Variants in DCAF6 observed in about 807,000 individuals in gnomAD.
DCAF6 encodes DDB1 and CUL4 associated factor 6.
Under a neutral mutation model 125.1 loss-of-function variants are expected in DCAF6, and 54 were observed. That is an observed-to-expected ratio of 0.43 (90% confidence interval 0.35 to 0.54). The LOEUF is 0.54. Among genes scored for constraint, DCAF6 ranks in the 20% least tolerant of loss-of-function variants. The pLI, the probability that DCAF6 is intolerant of heterozygous loss-of-function variation, is 0.01. For synonymous variants in DCAF6, 371 were observed against 390.4 expected (o/e 0.95, Z 0.58); for missense variants, 934 against 1,161.7 (o/e 0.80, Z 2.85).
At chr1:168,009,407 C>CTTTCTTTCTT (rs1423331059) in intron 10 of DCAF6, among the ~76,000 whole-genome samples, 4 of 136,724 alleles carry the variant, frequency 2.9e-5, no homozygotes, top group Non-Finnish European at 4.8e-5. Context: ...TTCTTTCTCT[C>CTTTCTTTCTT]TCTCTCTTTT....
intron 12 of DCAF6, among the ~76,000 whole-genome samples, chr1:168,024,256 G>A (rs1234763251): frequency 6.6e-6 from 1 of 150,652 alleles, no homozygotes; most frequent in Non-Finnish European, 1.5e-5. Flanking sequence ...AAAAAGGCAG[G>A]TGATTGCCTT....
the DCAF6 span, among the ~76,000 whole-genome samples, chr1:167,925,442 C>CATATATATATATATATATATAT: frequency 1.1e-4 from 9 of 82,468 alleles, no homozygotes; most frequent in South Asian, 4.0e-4. Flanking sequence ...TACATATACA[C>CATATATATATATATATATATAT]ATATATATAT....
intron 12 of DCAF6, among the ~76,000 whole-genome samples, chr1:168,025,680 C>G (rs1686245807): frequency 6.6e-6 from 1 of 152,156 alleles, no homozygotes; most frequent in South Asian, 2.1e-4. Context: ...TGCCCACCAC[C>G]ATTTGTCTCT....
chr1:167,981,097 G>A (rs1224541506), intron 4 of DCAF6, among the ~76,000 whole-genome samples: 1 of 151,748 alleles, frequency 6.6e-6, no homozygotes, highest in African/African-American at 2.4e-5. Context: ...AGTAGAGATG[G>A]GGTTTCACCG....
Position 167,936,974 on chromosome 1 carries a change from G to A in DCAF6, c.63G>A (p.Leu21=). 2 of 1,611,204 alleles carry A rather than the reference G, an allele frequency of 1.2e-6. No individual in the cohort carries two copies. Among genetic ancestry groups the A allele is most frequent in the Non-Finnish European group, 1.7e-6 (2 of 1,179,256 alleles). Residue 21 remains leucine (L), a synonymous_variant, in exon 1 of 22, where the codon CTG becomes CTA. Transcript: ENST00000367840. Reference sequence around the variant, plus strand: ...ACGTGAGGAAAAGGTCCCTCGGGCTGGAGGACCCGTCCCGGCTGCGGAGTC... The same window carrying A: ...ACGTGAGGAAAAGGTCCCTCGGGCTAGAGGACCCGTCCCGGCTGCGGAGTC... ...LWDVRKRSLG[L]EDPSRLRSRY...
chr1:167,924,014 A>G, the DCAF6 span, among the ~76,000 whole-genome samples: 17,228 of 152,232 alleles, frequency 0.11, 1,156 homozygotes, highest in African/African-American at 0.18. Flanking sequence ...GGGGAAGAGT[A>G]AAAGCACTGG....
chr1:167,976,705 A>G (rs1226664960), intron 4 of DCAF6, among the ~76,000 whole-genome samples: 1 of 151,976 alleles, frequency 6.6e-6, no homozygotes, highest in South Asian at 2.1e-4. Flanking sequence ...ATGTGATTAT[A>G]TTGTTCAGGA....
chr1:167,880,774 A>T, the DCAF6 span, among the ~76,000 whole-genome samples: 1 of 152,152 alleles, frequency 6.6e-6, no homozygotes, highest in Non-Finnish European at 1.5e-5. Context: ...AAACACTTCT[A>T]CTGCATCATC....
chr1:167,865,064 G>A, the DCAF6 span, among the ~76,000 whole-genome samples: 9 of 152,114 alleles, frequency 5.9e-5, no homozygotes, highest in South Asian at 4.1e-4. Context: ...CATAGAAAAC[G>A]ATGTTATAAA....
At chr1:167,891,916 T>C in the DCAF6 span, among the ~76,000 whole-genome samples, 4 of 152,104 alleles carry the variant, frequency 2.6e-5, no homozygotes, top group African/African-American at 9.7e-5. Context: ...GTAATTTTAT[T>C]CTTTTTATAA....
chr1:167,995,119 C>T (rs1284530543), intron 7 of DCAF6, among the ~76,000 whole-genome samples: 2 of 152,076 alleles, frequency 1.3e-5, no homozygotes, highest in Non-Finnish European at 2.9e-5. Context: ...CATTTTGTTA[C>T]TGCTATGCAA....
At chr1:168,021,267 C>T (rs142408415) in intron 11 of DCAF6, among the ~76,000 whole-genome samples, 64 of 152,106 alleles carry the variant, frequency 4.2e-4, no homozygotes, top group African/African-American at 1.3e-3. Flanking sequence ...AGTTTTCTTA[C>T]GGCTCTTAAA....
intron 12 of DCAF6, among the ~76,000 whole-genome samples, chr1:168,026,653 C>A (rs745712683): frequency 1.3e-5 from 2 of 151,412 alleles, no homozygotes; most frequent in Non-Finnish European, 2.9e-5. Flanking sequence ...AACCATCAGC[C>A]AAGATAGAGA....
At chr1:168,060,451 G>T (rs1435702229) in intron 17 of DCAF6, among the ~76,000 whole-genome samples, 3 of 152,170 alleles carry the variant, frequency 2.0e-5, no homozygotes, top group African/African-American at 7.2e-5. Flanking sequence ...CTCCCAAGTA[G>T]CTGGGATTAC....
rs960945858 is a variant in DCAF6 at position 168,075,551 on chromosome 1, C to T, written c.*116C>T. 1.1e-5 allele frequency: 10 copies of T among 931,882 alleles called. No individual in the cohort carries two copies. Among genetic ancestry groups the T allele is most frequent in the Non-Finnish European group, 1.4e-5 (9 of 647,320 alleles). The allele number at this position is 931,882 out of a possible 1,614,324, so 57.7% of individuals were successfully genotyped here. A position where few individuals can be genotyped will look rare whatever the true frequency, so the allele number is the denominator to read the frequency against. On this transcript the variant is annotated 3_prime_UTR_variant, in exon 22 of 22. Transcript: ENST00000367840. Reference sequence around the variant, plus strand: ...AAGGTTATGGTTTTTGGAGTTTTTCCCTTTTTTTGGGATAACCTAACATTG... The same window carrying T: ...AAGGTTATGGTTTTTGGAGTTTTTCTCTTTTTTTGGGATAACCTAACATTG...
the DCAF6 span, among the ~76,000 whole-genome samples, chr1:167,891,226 C>T: frequency 6.6e-6 from 1 of 151,982 alleles, no homozygotes. Flanking sequence ...TCCCAAAGTG[C>T]TGGGATTACA....
the DCAF6 span, chr1:167,896,636 C>T: frequency 1.9e-6 from 3 of 1,613,774 alleles, no homozygotes; most frequent in Non-Finnish European, 2.5e-6. Context: ...GAAGGTCGTA[C>T]ACTTTGTGAA....
At chr1:168,063,285 T>C (rs564625447) in intron 17 of DCAF6, among the ~76,000 whole-genome samples, 1 of 152,304 alleles carries the variant, frequency 6.6e-6, no homozygotes, top group South Asian at 2.1e-4. Context: ...TGGATAAAAT[T>C]TGTTATATTT....
chr1:168,038,351 G>A lies in DCAF6; in HGVS notation c.1610-20G>A. 1.9e-6 allele frequency: 3 copies of A among 1,569,738 alleles called. No individual in the cohort carries two copies. The highest frequency in any genetic ancestry group is 2.6e-6 in the Non-Finnish European group (3 of 1,148,748). Reference sequence around the variant, plus strand: ...ACTGGTTTCAGAGACTTTTTCAAATGTTTTAAACACAATTTTCAGATAACA... The same window carrying A: ...ACTGGTTTCAGAGACTTTTTCAAATATTTTAAACACAATTTTCAGATAACA... On this transcript the variant is annotated intron_variant, in intron 12 of 21. Transcript: ENST00000367840.
Sources: allele counts gnomAD v4.1 joint callset (sites outside exome capture counted in the v4.1 genomes callset), GRCh38; gene constraint gnomAD v4.1.1; transcripts MANE v1.5; gene names NCBI Gene and HGNC (gene_info 2026-07-23, HGNC 2026-07-21).